Variants in IGF1R observed in about 807,000 individuals in gnomAD.
IGF1R encodes the protein insulin-like growth factor 1 receptor.
In IGF1R, 44 loss-of-function variants were observed where a neutral mutation model predicts 144.6. That is an observed-to-expected ratio of 0.30 (90% CI 0.24 to 0.39). The LOEUF (loss-of-function observed/expected upper bound fraction) is 0.39. Among genes scored for constraint, IGF1R ranks in the 10% least tolerant of loss-of-function variants. The probability of loss-of-function intolerance (pLI) is 1.00; values close to 1 mark genes in which losing one functional copy is unlikely to be tolerated. For synonymous variants in IGF1R, 795 were observed against 722.8 expected, an observed-to-expected ratio of 1.10 and a Z score of -1.60; for missense variants, 1,355 against 1,833.7, an observed-to-expected ratio of 0.74 and a Z score of 4.77.
At chr15:98,654,390 G>A (rs1481328837) in intron 1 of IGF1R, among the ~76,000 whole-genome samples, 3 of 152,144 alleles carry the variant, frequency 2.0e-5, no homozygotes, top group African/African-American at 7.2e-5. Context: ...GTTTTGAGTT[G>A]TAAGAAAGAT....
At chr15:98,772,832 T>C (rs1002177132) in intron 2 of IGF1R, among the ~76,000 whole-genome samples, 22 of 152,074 alleles carry the variant, frequency 1.4e-4, no homozygotes, top group African/African-American at 5.1e-4. Context: ...AAAGATGATA[T>C]TACGATGTTT....
intron 2 of IGF1R, among the ~76,000 whole-genome samples, chr15:98,863,973 C>T (rs979238652): frequency 2.0e-5 from 3 of 152,132 alleles, no homozygotes; most frequent in Non-Finnish European, 4.4e-5. Flanking sequence ...TTAGAATAAA[C>T]GTGGCTGGGT....
intron 2 of IGF1R, among the ~76,000 whole-genome samples, chr15:98,734,303 T>C (rs945335257): frequency 6.6e-6 from 1 of 152,214 alleles, no homozygotes; most frequent in Non-Finnish European, 1.5e-5. Flanking sequence ...CCGTGTTTTT[T>C]AAAAAAATTA....
At chr15:98,878,699 CAACA>C (rs1408726749) in intron 2 of IGF1R, among the ~76,000 whole-genome samples, 3 of 90,336 alleles carry the variant, frequency 3.3e-5, no homozygotes, top group African/African-American at 1.5e-4. Context: ...AAAAAAACAA[CAACA>C]AAAAAAAGGC....
chr15:98,904,243 G>A (rs1225874863), intron 5 of IGF1R, among the ~76,000 whole-genome samples: 4 of 151,948 alleles, frequency 2.6e-5, no homozygotes, highest in Non-Finnish European at 5.9e-5. Context: ...TAGTAGAGAC[G>A]GGGTTTCACC....
intron 2 of IGF1R, among the ~76,000 whole-genome samples, chr15:98,730,940 C>T (rs1302525808): frequency 7.2e-5 from 11 of 152,066 alleles, no homozygotes; most frequent in African/African-American, 2.4e-4. Flanking sequence ...GAGCTTGACT[C>T]GGAGTGGAAA....
chr15:98,826,220 G>A (rs573761832), intron 2 of IGF1R, among the ~76,000 whole-genome samples: 2 of 152,338 alleles, frequency 1.3e-5, no homozygotes, highest in African/African-American at 4.8e-5. Flanking sequence ...TAATACTTAT[G>A]TGCATACGCT....
chr15:98,723,482 T>A (rs887133325), intron 2 of IGF1R, among the ~76,000 whole-genome samples: 3 of 152,240 alleles, frequency 2.0e-5, no homozygotes, highest in South Asian at 2.1e-4. Flanking sequence ...ATTAAATTGA[T>A]TGCATCTTTC....
At chr15:98,675,707 G>T (rs1247865073) in intron 1 of IGF1R, among the ~76,000 whole-genome samples, 13 of 151,432 alleles carry the variant, frequency 8.6e-5, no homozygotes, top group Non-Finnish European at 5.9e-5. Flanking sequence ...GAATGTATTT[G>T]TAGTTAAGTG....
intron 2 of IGF1R, among the ~76,000 whole-genome samples, chr15:98,715,972 G>A (rs2054104864): frequency 6.6e-6 from 1 of 152,188 alleles, no homozygotes. Context: ...ACTTCTGGGG[G>A]ATAAGAAGCT....
chr15:98,939,481 T>C lies in IGF1R; in HGVS notation c.3457+121T>C, dbSNP rs2151714518. The C allele has an allele frequency of 3.2e-6, 3 of 923,632 alleles. No individual in the cohort carries two copies. In the East Asian group the frequency reaches 7.2e-5, roughly 22 times the overall value. 57.2% of individuals were successfully genotyped at this position (923,632 alleles called of 1,614,324 possible). A position where few individuals can be genotyped will look rare whatever the true frequency, so the allele number is the denominator to read the frequency against. On this transcript the variant is annotated intron_variant, in intron 18 of 20. Transcript: ENST00000650285. ...GTGTCCCTTGAGTGCACGGACTCCT[T>C]CTTGGGAATGATGTGATTGTCTCCA...
At chr15:98,748,228 G>A (rs914864950) in intron 2 of IGF1R, among the ~76,000 whole-genome samples, 2 of 152,210 alleles carry the variant, frequency 1.3e-5, no homozygotes, top group Non-Finnish European at 2.9e-5. Context: ...GTGCAGTGGT[G>A]TAGTCATAGC....
chr15:98,672,731 G>C (rs949917425), intron 1 of IGF1R, among the ~76,000 whole-genome samples: 1 of 152,132 alleles, frequency 6.6e-6, no homozygotes, highest in African/African-American at 2.4e-5. Context: ...TAATGGCTTG[G>C]CCACTCAAGT....
chr15:98,869,867 A>G (rs1306355278), intron 2 of IGF1R, among the ~76,000 whole-genome samples: 1 of 152,210 alleles, frequency 6.6e-6, no homozygotes, highest in Non-Finnish European at 1.5e-5. Flanking sequence ...TCCAGGGCTA[A>G]ATTAACACCT....
At position 98,959,980 on chromosome 15, in the gene IGF1R, T is replaced by C. The variant is rs2017160313; in HGVS notation, c.*2538T>C. On this transcript the variant is annotated 3_prime_UTR_variant, in exon 21 of 21. Coordinates refer to ENST00000650285, the MANE Select transcript of IGF1R (RefSeq NM_000875.5). Reference sequence around the variant, plus strand: ...AAATTTCAAGGAAAGGGTGTGTGTGTGTGTATGTGTGGGGTGTGTGTGTGT... The same window carrying C: ...AAATTTCAAGGAAAGGGTGTGTGTGCGTGTATGTGTGGGGTGTGTGTGTGT... The C allele has an allele frequency of 4.3e-6, 1 of 232,778 alleles. No individual in the cohort carries two copies. Among genetic ancestry groups the C allele is most frequent in the Admixed American group, 5.6e-5 (1 of 17,762 alleles). The allele number at this position is 232,778 out of a possible 1,614,324, so 14.4% of individuals were successfully genotyped here.
chr15:98,663,693 C>T (rs952627411), intron 1 of IGF1R, among the ~76,000 whole-genome samples: 13 of 152,186 alleles, frequency 8.5e-5, no homozygotes, highest in African/African-American at 1.9e-4. Context: ...CGGCTGGGCC[C>T]GAGGCTGGTT....
intron 2 of IGF1R, among the ~76,000 whole-genome samples, chr15:98,801,118 C>T (rs1342653080): frequency 6.6e-6 from 1 of 152,170 alleles, no homozygotes; most frequent in Non-Finnish European, 1.5e-5. Flanking sequence ...CCTCCCAGCA[C>T]CACTTAAGAG....
At chr15:98,667,727 C>T (rs2052780870) in intron 1 of IGF1R, among the ~76,000 whole-genome samples, 1 of 152,150 alleles carries the variant, frequency 6.6e-6, no homozygotes, top group African/African-American at 2.4e-5. Context: ...GAGTGGCTCA[C>T]CTTGGTCTGA....
rs543815264 is a variant in IGF1R, at chr15:98,805,235, C to T, written c.641-86090C>T. ...AAGATACTTCCATTTAAACTTTATGCTGCCAGAGTTGGCCAGCTAAGCAAA... is the reference window on the plus strand; with the variant it reads ...AAGATACTTCCATTTAAACTTTATGTTGCCAGAGTTGGCCAGCTAAGCAAA... On this transcript the variant is annotated intron_variant, in intron 2 of 20. Coordinates refer to ENST00000650285, the MANE Select transcript of IGF1R (RefSeq NM_000875.5). Among the ~76,000 whole-genome samples the T allele has an allele frequency of 8.5e-5, 13 of 152,282 alleles. No homozygotes were observed. In the East Asian group the frequency reaches 2.5e-3, roughly 29 times the overall value.
Sources: gnomAD v4.1 joint callset for allele counts (sites outside exome capture counted in the v4.1 genomes callset) on GRCh38, gnomAD v4.1.1 for gene constraint, MANE v1.5 for transcripts, NCBI Gene and HGNC (gene_info 2026-07-23, HGNC 2026-07-21) for gene names.